PLOD2: variants seen among roughly 807,000 people sequenced by gnomAD.
PLOD2 encodes the protein lysine hydroxylase 2.
In PLOD2, 65 loss-of-function variants were observed where a neutral mutation model predicts 101.0. That is an observed-to-expected ratio of 0.64 (90% CI 0.53 to 0.79). The LOEUF (loss-of-function observed/expected upper bound fraction) is 0.79, where lower values mean the gene tolerates loss of function less well. Among genes scored for constraint, PLOD2 ranks in the 30% least tolerant of loss-of-function variants. The pLI is 0.00. For missense variants in PLOD2, 909 were observed against 914.6 expected, an observed-to-expected ratio of 0.99 and a Z score of 0.08; for synonymous variants, 314 against 302.9, an observed-to-expected ratio of 1.04 and a Z score of -0.38.
intron 8 of PLOD2, among the ~76,000 whole-genome samples, chr3:146,088,993 C>T (rs1204819069): frequency 1.3e-5 from 2 of 151,598 alleles, no homozygotes; most frequent in African/African-American, 2.4e-5. Context: ...GTACTGCCTA[C>T]ACTACTAGTC....
Position 146,073,343 on chromosome 3 carries a change from C to T in PLOD2, c.1687G>A (p.Glu563Lys). The stretch of plus-strand genomic sequence containing the variant: ...GAATAATCACGGTTTATATACTTTT[C>T]CTTCCAGTCCTATAAAAAGAAGTAC... ...QIFENPVDWK[E>K]KYINRDYSKI... Residue 563 changes from glutamate to lysine, a missense_variant, in exon 16 of 20, where the codon GAA (glutamate) becomes AAA (lysine). By Grantham distance (56) the Glu-to-Lys change is moderately conservative. Transcript: ENST00000282903. 1 of 1,161,550 alleles carries T rather than the reference C, an allele frequency of 8.6e-7. No individual in the cohort carries two copies. The highest frequency in any genetic ancestry group is 1.4e-5 in the South Asian group (1 of 72,840). The allele number at this position is 1,161,550 out of a possible 1,614,324, so 72.0% of individuals were successfully genotyped here.
chr3:146,088,226 T>C (rs2108023205), intron 9 of PLOD2, among the ~76,000 whole-genome samples: 1 of 151,694 alleles, frequency 6.6e-6, no homozygotes, highest in African/African-American at 2.4e-5. Flanking sequence ...TTGTCTTAAA[T>C]CACAAACAAT....
At chr3:146,099,689 G>A (rs1937317928) in intron 7 of PLOD2, among the ~76,000 whole-genome samples, 1 of 151,698 alleles carries the variant, frequency 6.6e-6, no homozygotes, top group Non-Finnish European at 1.5e-5. Flanking sequence ...CACCGCACCA[G>A]CCTAAATTTG....
chr3:146,108,259 C>T (rs1937570511), intron 4 of PLOD2, among the ~76,000 whole-genome samples: 1 of 152,154 alleles, frequency 6.6e-6, no homozygotes, highest in South Asian at 2.1e-4. Flanking sequence ...TGGCTCACTG[C>T]AGCCTCGACC....
chr3:146,126,599 T>A (rs760242156), intron 1 of PLOD2, among the ~76,000 whole-genome samples: 18 of 152,078 alleles, frequency 1.2e-4, no homozygotes, highest in Non-Finnish European at 2.1e-4. Context: ...GACAAATGAT[T>A]TATGTAATCG....
chr3:146,113,696 T>C (rs9862237), intron 3 of PLOD2, among the ~76,000 whole-genome samples: 75,238 of 151,936 alleles, frequency 0.5, 18,708 homozygotes, highest in East Asian at 0.56. Flanking sequence ...AGGATGTGCG[T>C]AGCCTTAGGA....
intron 1 of PLOD2, among the ~76,000 whole-genome samples, chr3:146,142,747 G>A (rs754180210): frequency 3.3e-5 from 5 of 151,980 alleles, no homozygotes; most frequent in East Asian, 1.9e-4. Flanking sequence ...AATAACAAAC[G>A]ATAAAAGCTA....
At chr3:146,094,583 G>C (rs1156617996) in intron 7 of PLOD2, among the ~76,000 whole-genome samples, 1 of 152,130 alleles carries the variant, frequency 6.6e-6, no homozygotes, top group African/African-American at 2.4e-5. Flanking sequence ...GGAAATAAGA[G>C]AGAACACAAA....
At chr3:146,080,455 C>T (rs1215696376) in intron 12 of PLOD2, among the ~76,000 whole-genome samples, 1 of 151,816 alleles carries the variant, frequency 6.6e-6, no homozygotes, top group Admixed American at 6.6e-5. Context: ...CTGTATACAA[C>T]GTGTCAGCTA....
chr3:146,118,302 C>T (rs974419765), intron 3 of PLOD2, among the ~76,000 whole-genome samples: 1 of 152,068 alleles, frequency 6.6e-6, no homozygotes, highest in African/African-American at 2.4e-5. Context: ...TAGGTAACCA[C>T]AAGCAGAACT....
intron 15 of PLOD2, 131 bp from the exon 16 acceptor site, chr3:146,073,483 G>T: frequency 2.4e-6 from 1 of 419,230 alleles, no homozygotes; most frequent in South Asian, 5.1e-5. Flanking sequence ...GTAATTTTCA[G>T]AAATCACAGT....
chr3:146,120,956 T>C (rs1410385001), intron 3 of PLOD2, among the ~76,000 whole-genome samples, 156 bp downstream of exon 3: 2 of 152,020 alleles, frequency 1.3e-5, no homozygotes, highest in African/African-American at 4.8e-5. Context: ...CTCCTGACCT[T>C]GTGATCCAGC....
intron 1 of PLOD2, among the ~76,000 whole-genome samples, chr3:146,134,362 T>C (rs1166985796): frequency 6.6e-6 from 1 of 152,210 alleles, no homozygotes; most frequent in Non-Finnish European, 1.5e-5. Context: ...TCCCTTCAAA[T>C]GTTATAAAAA....
At chr3:146,117,212 G>A (rs958524427) in intron 3 of PLOD2, among the ~76,000 whole-genome samples, 1 of 152,138 alleles carries the variant, frequency 6.6e-6, no homozygotes. Flanking sequence ...TCATATGATA[G>A]TGACCTATGC....
chr3:146,126,618 A>C (rs1041587795), intron 1 of PLOD2, among the ~76,000 whole-genome samples: 2 of 152,170 alleles, frequency 1.3e-5, no homozygotes, highest in Non-Finnish European at 2.9e-5. Context: ...CGATGGCAAA[A>C]GACAGAAAAG....
At chr3:146,110,769 C>T (rs912675589) in intron 3 of PLOD2, among the ~76,000 whole-genome samples, 2 of 151,990 alleles carry the variant, frequency 1.3e-5, no homozygotes, top group Non-Finnish European at 2.9e-5. Flanking sequence ...AATACAGTTA[C>T]TTGTTGTATA....
chr3:146,086,915 CAT>C lies in PLOD2; in HGVS notation c.1006-9_1006-8del, dbSNP rs1297304973. ...CCTTTTCATGATAAACTTCCTGTAA[CAT>C]ATTTTAAAAATCAAAAATTAGAGAA... On this transcript the variant is annotated splice_polypyrimidine_tract_variant and splice_region_variant and intron_variant, in intron 9 of 19. Coordinates refer to ENST00000282903, the MANE Select transcript of PLOD2 (RefSeq NM_182943.3). 1 of 1,478,024 alleles carries C rather than the reference CAT, an allele frequency of 6.8e-7. No homozygotes were observed. The highest frequency in any genetic ancestry group is 1.8e-4 in the Middle Eastern group (1 of 5,494). 91.6% of individuals were successfully genotyped at this position (1,478,024 alleles called of 1,614,324 possible). A position where few individuals can be genotyped will look rare whatever the true frequency, so the allele number is the denominator to read the frequency against.
intron 1 of PLOD2, among the ~76,000 whole-genome samples, chr3:146,136,709 A>T (rs1311817746): frequency 6.6e-6 from 1 of 152,198 alleles, no homozygotes. Context: ...AGATATATTT[A>T]GATACACAAA....
intron 1 of PLOD2, among the ~76,000 whole-genome samples, chr3:146,134,527 C>T (rs534797726): frequency 6.6e-6 from 1 of 152,314 alleles, no homozygotes; most frequent in Admixed American, 6.5e-5. Flanking sequence ...TGGGGTAACC[C>T]ATCTGCTAGC....
Sources: allele counts gnomAD v4.1 joint callset (sites outside exome capture counted in the v4.1 genomes callset), GRCh38; gene constraint gnomAD v4.1.1; transcripts MANE v1.5; gene names NCBI Gene and HGNC (gene_info 2026-07-23, HGNC 2026-07-21).